Variants in AOPEP observed in about 807,000 individuals in gnomAD.
The protein encoded by AOPEP is aminopeptidase O.
A neutral mutation model predicts 98.1 loss-of-function variants in AOPEP; 77 were observed. The ratio of observed to expected loss-of-function variants is 0.78; its 90% confidence interval spans 0.65 to 0.95. AOPEP has a LOEUF of 0.95. Among genes scored for constraint, AOPEP ranks in the 40% least tolerant of loss-of-function variants. The pLI, the probability that AOPEP is intolerant of heterozygous loss-of-function variation, is 0.00. For missense variants in AOPEP, 1,024 were observed against 1,024.7 expected (o/e 1.00, Z 0.01); for synonymous variants, 346 against 365.3 (o/e 0.95, Z 0.60).
intron 11 of AOPEP, among the ~76,000 whole-genome samples, chr9:94,986,457 C>T (rs532837593): frequency 1.0e-3 from 158 of 152,276 alleles, no homozygotes; most frequent in African/African-American, 3.7e-3. Flanking sequence ...TCACTAGTTC[C>T]GCATTCTAAT....
intron 13 of AOPEP, among the ~76,000 whole-genome samples, chr9:95,016,226 A>G (rs2062976801): frequency 6.7e-6 from 1 of 150,310 alleles, no homozygotes; most frequent in South Asian, 2.1e-4. Flanking sequence ...AGAGTTATTC[A>G]AAGTTTCCTT....
At chr9:95,101,609 A>AC in the AOPEP span, 783 of 1,453,424 alleles carry the variant, frequency 5.4e-4, 7 homozygotes, top group Non-Finnish European at 1.2e-4. Context: ...CAGCGAGGGC[A>AC]CTTACTCCAC....
chr9:95,108,360 G>A, the AOPEP span, among the ~76,000 whole-genome samples: 14 of 152,214 alleles, frequency 9.2e-5, no homozygotes, highest in Admixed American at 6.5e-5. Flanking sequence ...TGGTGTCTAC[G>A]GGAGCCCAAG....
At chr9:94,731,634 C>G (rs1830563893) in intron 1 of AOPEP, among the ~76,000 whole-genome samples, 1 of 151,834 alleles carries the variant, frequency 6.6e-6, no homozygotes, top group African/African-American at 2.4e-5. Context: ...GGTTTCTGTG[C>G]TATGTGATAT....
intron 7 of AOPEP, among the ~76,000 whole-genome samples, chr9:94,934,258 C>T (rs1588967296): frequency 6.7e-6 from 1 of 150,332 alleles, no homozygotes; most frequent in African/African-American, 2.4e-5. Flanking sequence ...CCTCCACCCT[C>T]CCTCCCTTCC....
chr9:94,888,791 GACA>G (rs1015010402), intron 5 of AOPEP, among the ~76,000 whole-genome samples: 5 of 152,130 alleles, frequency 3.3e-5, no homozygotes, highest in African/African-American at 1.2e-4. Context: ...TACTATCTCA[GACA>G]ACAAGAGACT....
intron 5 of AOPEP, among the ~76,000 whole-genome samples, chr9:94,883,016 A>T (rs1396903301): frequency 1.3e-5 from 2 of 152,214 alleles, no homozygotes; most frequent in Admixed American, 6.5e-5. Flanking sequence ...TCTAAATTCA[A>T]TCTGATGCTA....
chr9:94,945,129 A>G (rs2057476600), intron 7 of AOPEP, among the ~76,000 whole-genome samples: 1 of 152,152 alleles, frequency 6.6e-6, no homozygotes, highest in Admixed American at 6.5e-5. Flanking sequence ...GGTCTGTGAT[A>G]TAACAACCCC....
chr9:94,869,071 A>T lies in AOPEP; in HGVS notation c.1365-54915A>T, dbSNP rs986707293. The stretch of plus-strand genomic sequence containing the variant: ...TGGTGAAACCCCTTCTCTACTAAAA[A>T]TACAAAAATTAGCTGGGCATGGTGG... On this transcript the variant is annotated intron_variant, in intron 5 of 16. Transcript: ENST00000375315. Among the ~76,000 whole-genome samples, 3 of 152,032 alleles carry T rather than the reference A, an allele frequency of 2.0e-5. No individual in the cohort carries two copies. The South Asian group carries it at 6.2e-4, about 32-fold the overall frequency.
At chr9:94,932,194 T>C (rs576888897) in intron 7 of AOPEP, 1 of 988,746 alleles carries the variant, frequency 1.0e-6, no homozygotes, top group South Asian at 4.7e-5. Flanking sequence ...TGGAAGGACA[T>C]ACAGGTCAGG....
At chr9:94,763,336 C>A in intron 2 of AOPEP, 1 of 230,874 alleles carries the variant, frequency 4.3e-6, no homozygotes, top group South Asian at 5.2e-5. Flanking sequence ...GGTACCTTTT[C>A]TTTTAAGTTC....
At chr9:94,823,058 G>A (rs1173416430) in intron 5 of AOPEP, among the ~76,000 whole-genome samples, 1 of 151,816 alleles carries the variant, frequency 6.6e-6, no homozygotes, top group Non-Finnish European at 1.5e-5. Context: ...GTGCAATGGC[G>A]CAATCTCGGC....
At chr9:95,132,459 T>C in the AOPEP span, among the ~76,000 whole-genome samples, 2 of 152,214 alleles carry the variant, frequency 1.3e-5, no homozygotes, top group African/African-American at 4.8e-5. Context: ...AGCTATGGAT[T>C]ATGGTCTTCC....
intron 5 of AOPEP, among the ~76,000 whole-genome samples, chr9:94,819,133 C>T (rs1852382878): frequency 1.3e-5 from 2 of 152,178 alleles, no homozygotes; most frequent in South Asian, 4.1e-4. Context: ...GTTCTGTTCC[C>T]ACCAGTTAGA....
chr9:95,043,935 C>A (rs1029449293), intron 13 of AOPEP, among the ~76,000 whole-genome samples: 2 of 152,156 alleles, frequency 1.3e-5, no homozygotes, highest in Non-Finnish European at 2.9e-5. Context: ...TAGTTGTAAC[C>A]GCTGTGTACA....
chr9:94,765,389 G>A (rs1218191826), intron 2 of AOPEP, among the ~76,000 whole-genome samples: 2 of 149,986 alleles, frequency 1.3e-5, no homozygotes, highest in Admixed American at 1.3e-4. Flanking sequence ...AGCTTGAGTT[G>A]AGGAGTTCAA....
intron 5 of AOPEP, among the ~76,000 whole-genome samples, chr9:94,888,847 G>C (rs534593844): frequency 6.6e-6 from 1 of 152,102 alleles, no homozygotes; most frequent in Non-Finnish European, 1.5e-5. Flanking sequence ...AGTTATACAT[G>C]CATTATTTTC....
At chr9:94,953,771 A>G (rs918560521) in intron 7 of AOPEP, among the ~76,000 whole-genome samples, 2 of 152,102 alleles carry the variant, frequency 1.3e-5, no homozygotes, top group Non-Finnish European at 2.9e-5. Flanking sequence ...GCCTTCCTTC[A>G]CCTCAACACT....
chr9:95,105,505 A>AT, the AOPEP span, among the ~76,000 whole-genome samples: 57 of 152,306 alleles, frequency 3.7e-4, 1 homozygote, highest in East Asian at 3.3e-3. Flanking sequence ...TGAGATGAGT[A>AT]TTTTTTTAAA....
Sources: allele counts gnomAD v4.1 joint callset (sites outside exome capture counted in the v4.1 genomes callset), GRCh38; gene constraint gnomAD v4.1.1; transcripts MANE v1.5; gene names NCBI Gene and HGNC (gene_info 2026-07-23, HGNC 2026-07-21).